Variants in LRMDA observed in about 807,000 individuals in gnomAD.
LRMDA encodes leucine-rich melanocyte differentiation-associated protein.
Under a neutral mutation model 29.8 loss-of-function variants are expected in LRMDA, and 18 were observed. The ratio of observed to expected loss-of-function variants is 0.60; its 90% CI spans 0.42 to 0.90. The LOEUF (loss-of-function observed/expected upper bound fraction) is 0.90. LRMDA is among the 40% of genes least tolerant of loss of function. The pLI is 0.00. For synonymous variants in LRMDA, 125 were observed against 109.4 expected, an observed-to-expected ratio of 1.14 and a Z score of -0.89; for missense variants, 273 against 273.9, an observed-to-expected ratio of 1.00 and a Z score of 0.02.
chr10:75,652,077 A>G (rs1841606610), intron 2 of LRMDA, among the ~76,000 whole-genome samples: 1 of 152,226 alleles, frequency 6.6e-6, no homozygotes, highest in Non-Finnish European at 1.5e-5. Flanking sequence ...ATGTTGTCCA[A>G]CAATAGTTAC....
chr10:76,393,276 A>G (rs1253555211), intron 6 of LRMDA, among the ~76,000 whole-genome samples: 1 of 152,142 alleles, frequency 6.6e-6, no homozygotes, highest in Non-Finnish European at 1.5e-5. Context: ...TTTAACTTAC[A>G]TTCCCACTGG....
chr10:75,853,742 T>G (rs1229674759), intron 2 of LRMDA, among the ~76,000 whole-genome samples: 2 of 152,194 alleles, frequency 1.3e-5, no homozygotes, highest in African/African-American at 4.8e-5. Context: ...CTCTGTGATT[T>G]CACAGTGATT....
chr10:75,827,399 C>T (rs1006198336), intron 2 of LRMDA, among the ~76,000 whole-genome samples: 2 of 152,104 alleles, frequency 1.3e-5, no homozygotes, highest in Admixed American at 1.3e-4. Context: ...GACTTTTAGA[C>T]CTGGAGACAT....
intron 5 of LRMDA, among the ~76,000 whole-genome samples, chr10:76,313,765 T>G (rs1316532509): frequency 6.6e-6 from 1 of 152,094 alleles, no homozygotes; most frequent in African/African-American, 2.4e-5. Context: ...TAAAAGTAAA[T>G]AACAATTGAA....
intron 2 of LRMDA, among the ~76,000 whole-genome samples, chr10:75,558,907 A>G (rs1840253259): frequency 6.9e-6 from 1 of 145,104 alleles, no homozygotes; most frequent in Non-Finnish European, 1.5e-5. Context: ...TATATGTGCC[A>G]CATTTTCTTA....
At chr10:76,212,122 A>T (rs1361229032) in intron 5 of LRMDA, among the ~76,000 whole-genome samples, 1 of 152,176 alleles carries the variant, frequency 6.6e-6, no homozygotes, top group Non-Finnish European at 1.5e-5. Context: ...CCATTAACCT[A>T]CAAATGTTGA....
chr10:76,479,107 T>C (rs1054031156), intron 6 of LRMDA, among the ~76,000 whole-genome samples: 4 of 151,534 alleles, frequency 2.6e-5, no homozygotes, highest in Non-Finnish European at 5.9e-5. Flanking sequence ...ATAAAATAAA[T>C]TAGAATGAAA....
intron 2 of LRMDA, among the ~76,000 whole-genome samples, chr10:76,009,297 T>C (rs1397259378): frequency 6.6e-6 from 1 of 152,180 alleles, no homozygotes; most frequent in Non-Finnish European, 1.5e-5. Flanking sequence ...TACACTAAGA[T>C]GCATCCCTCA....
intron 2 of LRMDA, among the ~76,000 whole-genome samples, chr10:75,664,666 G>A (rs1841798356): frequency 6.6e-6 from 1 of 152,094 alleles, no homozygotes; most frequent in African/African-American, 2.4e-5. Flanking sequence ...GGAAAAGATG[G>A]GAGAAGGAAG....
At chr10:75,544,115 G>A (rs1458439182) in intron 2 of LRMDA, among the ~76,000 whole-genome samples, 1 of 152,166 alleles carries the variant, frequency 6.6e-6, no homozygotes, top group Non-Finnish European at 1.5e-5. Flanking sequence ...GCGTTTGTGT[G>A]TGTGTTTGTG....
chr10:76,249,702 C>T (rs978627503), intron 5 of LRMDA, among the ~76,000 whole-genome samples: 4 of 152,160 alleles, frequency 2.6e-5, no homozygotes, highest in African/African-American at 9.7e-5. Context: ...TAATAGGTCA[C>T]AATACTGCAT....
At chr10:75,783,018 A>G (rs1485717773) in intron 2 of LRMDA, 5 of 1,613,978 alleles carry the variant, frequency 3.1e-6, no homozygotes, top group Non-Finnish European at 4.2e-6. Flanking sequence ...TTCTTCAAAT[A>G]AAAGGTTAGC....
At chr10:76,288,353 A>T (rs917867527) in intron 5 of LRMDA, among the ~76,000 whole-genome samples, 1 of 152,184 alleles carries the variant, frequency 6.6e-6, no homozygotes, top group African/African-American at 2.4e-5. Context: ...TCATCTCAGC[A>T]CATTTCATAA....
chr10:75,459,252 A>G lies in LRMDA; in HGVS notation c.131+20758A>G, dbSNP rs568513899. 1.8e-4 allele frequency among the ~76,000 whole-genome samples: 28 copies of G among 152,288 alleles called. No homozygotes were observed. In the East Asian group the frequency reaches 3.5e-3, roughly 19 times the overall value. ...AGTTTGAGACCTGCCTGGGCTGAAC[A>G]TAGTAAGATCTTGTCCCTACAAAAA... is the stretch of plus-strand genomic sequence containing the variant. On this transcript the variant is annotated intron_variant, in intron 2 of 6. Transcript: ENST00000611255.
chr10:76,296,133 T>C (rs2573559), intron 5 of LRMDA, among the ~76,000 whole-genome samples: 102,378 of 152,092 alleles, frequency 0.67, 35,661 homozygotes, highest in Non-Finnish European at 0.79. Context: ...TGACTTTGGC[T>C]TCATCAGCAC....
At chr10:75,593,254 C>T (rs1302349311) in intron 2 of LRMDA, among the ~76,000 whole-genome samples, 2 of 152,284 alleles carry the variant, frequency 1.3e-5, no homozygotes, top group South Asian at 2.1e-4. Flanking sequence ...CCTGTTTTTT[C>T]TTGAGTGCAA....
intron 2 of LRMDA, among the ~76,000 whole-genome samples, chr10:75,598,540 G>T (rs1469692019): frequency 7.1e-6 from 1 of 141,324 alleles, no homozygotes; most frequent in Non-Finnish European, 1.6e-5. Context: ...ATTATTTAAA[G>T]AAAAAAAAAA....
chr10:76,363,123 AAGAAAG>A lies in LRMDA; in HGVS notation c.601+38640_601+38645del, dbSNP rs1301567548. On this transcript the variant is annotated intron_variant, in intron 6 of 6. Coordinates refer to ENST00000611255, the MANE Select transcript of LRMDA (RefSeq NM_001305581.2). ...TTTCAGCCTGTGGAGTAAGGAAAGA[AAGAAAG>A]AAAGAAAGAAAGAAAGAAAGAAAGA... 1.2e-3 allele frequency among the ~76,000 whole-genome samples: 22 copies of A among 18,518 alleles called. 1 individual carries two copies. Among genetic ancestry groups the A allele is most frequent in the East Asian group, 6.6e-3 (9 of 1,364 alleles). The allele number at this position is 18,518 out of a possible 152,430, so 12.1% of individuals were successfully genotyped here.
chr10:76,184,105 A>G (rs1851103345), intron 5 of LRMDA, among the ~76,000 whole-genome samples: 3 of 151,240 alleles, frequency 2.0e-5, no homozygotes. Context: ...ATCTCAGCTC[A>G]CTGCAACCTC....
Sources: gnomAD v4.1 joint callset for allele counts (sites outside exome capture counted in the v4.1 genomes callset) on GRCh38, gnomAD v4.1.1 for gene constraint, MANE v1.5 for transcripts, NCBI Gene and HGNC (gene_info 2026-07-23, HGNC 2026-07-21) for gene names.